NKAIN1: variants seen among roughly 807,000 people sequenced by gnomAD.
NKAIN1 encodes sodium/potassium-transporting ATPase subunit beta-1-interacting protein 1.
A neutral mutation model predicts 31.6 loss-of-function variants in NKAIN1; 13 were observed. The observed-to-expected ratio is 0.41, with a 90% CI of 0.27 to 0.65. The LOEUF (loss-of-function observed/expected upper bound fraction) is 0.65. NKAIN1 is among the 30% of genes least tolerant of loss of function. The pLI is 0.30. For missense variants in NKAIN1, 193 were observed against 262.2 expected, an observed-to-expected ratio of 0.74 and a Z score of 1.82; for synonymous variants, 104 against 109.0, an observed-to-expected ratio of 0.95 and a Z score of 0.28.
chr1:31,231,925 T>C (rs999068866), intron 1 of NKAIN1, among the ~76,000 whole-genome samples: 1 of 151,392 alleles, frequency 6.6e-6, no homozygotes, highest in Non-Finnish European at 1.5e-5. Context: ...TTTTTTTTTT[T>C]TAATTTTTTT....
chr1:31,181,727 G>T lies in NKAIN1; in HGVS notation c.615-15C>A. The T allele has an allele frequency of 6.7e-7, 1 of 1,498,556 alleles. No individual in the cohort carries two copies. The allele number at this position is 1,498,556 out of a possible 1,614,324, so 92.8% of individuals were successfully genotyped here. On this transcript the variant is annotated splice_polypyrimidine_tract_variant and intron_variant, in intron 6 of 6. Transcript: ENST00000373736. ...GCTACCCCGACCTGCGGGAAACAAA[G>T]GCAGGTTAGGGAGAGTGGATCCCAA...
At position 31,181,608 on chromosome 1, in the gene NKAIN1, C is replaced by G. The variant is rs1303184637; in HGVS notation, c.*95G>C. The stretch of plus-strand genomic sequence containing the variant: ...TTGGGCACAGGCTGCAGTGAGCGCG[C>G]GGGCCACCAGGGGGACACGCCTGCG... On this transcript the variant is annotated 3_prime_UTR_variant, in exon 7 of 7. Transcript: ENST00000373736. 8.0e-7 allele frequency: 1 copy of G among 1,243,756 alleles called. No individual in the cohort carries two copies. The highest frequency in any genetic ancestry group is 1.1e-6 in the Non-Finnish European group (1 of 941,248). 77.0% of individuals were successfully genotyped at this position (1,243,756 alleles called of 1,614,324 possible).
intron 1 of NKAIN1, among the ~76,000 whole-genome samples, chr1:31,215,722 G>T (rs1645506910): frequency 6.6e-6 from 1 of 152,178 alleles, no homozygotes; most frequent in African/African-American, 2.4e-5. Flanking sequence ...ATCACCTGGG[G>T]CCTGTTACCG....
At chr1:31,194,910 T>C (rs1040057497) in intron 1 of NKAIN1, among the ~76,000 whole-genome samples, 5 of 151,404 alleles carry the variant, frequency 3.3e-5, no homozygotes, top group African/African-American at 1.2e-4. Flanking sequence ...TAGTTGGGAT[T>C]ACAGGCGAGT....
chr1:31,197,545 C>CTTTTTTT (rs754860679), intron 1 of NKAIN1, among the ~76,000 whole-genome samples: 57,457 of 110,294 alleles, frequency 0.52, 17,905 homozygotes, highest in Non-Finnish European at 0.69. Flanking sequence ...CGTGCCCGGC[C>CTTTTTTT]TTTTTTTTTT....
intron 1 of NKAIN1, among the ~76,000 whole-genome samples, chr1:31,229,287 A>G (rs1271158050): frequency 6.6e-6 from 1 of 152,140 alleles, no homozygotes; most frequent in African/African-American, 2.4e-5. Context: ...AAGCTCACCT[A>G]TGGTGAGCTG....
At chr1:31,206,414 A>G (rs1225242850) in intron 1 of NKAIN1, among the ~76,000 whole-genome samples, 1 of 151,686 alleles carries the variant, frequency 6.6e-6, no homozygotes, top group East Asian at 1.9e-4. Context: ...TTTTTATTTT[A>G]TTTTTTAAAT....
chr1:31,212,499 G>C (rs1165315715), intron 1 of NKAIN1, among the ~76,000 whole-genome samples: 1 of 151,690 alleles, frequency 6.6e-6, no homozygotes, highest in Non-Finnish European at 1.5e-5. Flanking sequence ...CCACCTCCTA[G>C]GCTCAAGTGA....
intron 1 of NKAIN1, among the ~76,000 whole-genome samples, chr1:31,210,768 C>G (rs932338465): frequency 6.6e-6 from 1 of 152,096 alleles, no homozygotes; most frequent in African/African-American, 2.4e-5. Context: ...AGGGTCCAAC[C>G]CTGAAGTTAG....
At chr1:31,206,359 A>C (rs905477308) in intron 1 of NKAIN1, among the ~76,000 whole-genome samples, 5 of 151,788 alleles carry the variant, frequency 3.3e-5, no homozygotes, top group Non-Finnish European at 5.9e-5. Context: ...GAACTGAGTA[A>C]ATCACAACCA....
intron 1 of NKAIN1, among the ~76,000 whole-genome samples, chr1:31,227,478 A>AG (rs1440482093): frequency 7.2e-5 from 11 of 152,222 alleles, no homozygotes; most frequent in African/African-American, 9.7e-5. Context: ...CCCACCCCAC[A>AG]GGGTGCCATG....
intron 2 of NKAIN1, among the ~76,000 whole-genome samples, chr1:31,186,089 G>T (rs1645239820): frequency 2.0e-5 from 3 of 150,830 alleles, no homozygotes; most frequent in Admixed American, 1.3e-4. Context: ...GAGGCCAGGC[G>T]CAGTGGCTCA....
intron 1 of NKAIN1, among the ~76,000 whole-genome samples, chr1:31,208,133 G>A (rs145775291): frequency 1.3e-5 from 2 of 152,230 alleles, no homozygotes; most frequent in Admixed American, 6.5e-5. Flanking sequence ...GATGTGTTCT[G>A]TTCAAATCCC....
At chr1:31,182,370 G>T (rs1417889065) in intron 5 of NKAIN1, among the ~76,000 whole-genome samples, 160 bp downstream of exon 5, 6 of 152,174 alleles carry the variant, frequency 3.9e-5, no homozygotes, top group Non-Finnish European at 8.8e-5. Flanking sequence ...CCTGGAACGG[G>T]CTGGTATGCA....
intron 1 of NKAIN1, among the ~76,000 whole-genome samples, chr1:31,234,046 C>G (rs1218701175): frequency 6.6e-6 from 1 of 152,242 alleles, no homozygotes; most frequent in Admixed American, 6.5e-5. Context: ...CCAGGGCCAT[C>G]CCCAGGTCCC....
At chr1:31,229,579 C>T (rs1468246841) in intron 1 of NKAIN1, among the ~76,000 whole-genome samples, 1 of 151,882 alleles carries the variant, frequency 6.6e-6, no homozygotes, top group Non-Finnish European at 1.5e-5. Flanking sequence ...GAGTTTCGCT[C>T]TTGTTACCCA....
intron 2 of NKAIN1, 97 bp downstream of exon 2, chr1:31,187,953 T>G: frequency 3.2e-6 from 4 of 1,267,320 alleles, no homozygotes; most frequent in Non-Finnish European, 4.3e-6. Flanking sequence ...AGTGCCCCAG[T>G]GTTGGGGGGC....
intron 1 of NKAIN1, among the ~76,000 whole-genome samples, chr1:31,222,238 G>C (rs1367660644): frequency 6.6e-6 from 1 of 152,180 alleles, no homozygotes; most frequent in Non-Finnish European, 1.5e-5. Context: ...GTGAGGGGCT[G>C]GTAAAAACCC....
intron 1 of NKAIN1, among the ~76,000 whole-genome samples, chr1:31,235,951 C>T (rs1425634874): frequency 6.6e-6 from 1 of 152,140 alleles, no homozygotes; most frequent in East Asian, 1.9e-4. Flanking sequence ...ACAGACACAT[C>T]CCATGATATG....
Sources: allele counts gnomAD v4.1 joint callset (sites outside exome capture counted in the v4.1 genomes callset), GRCh38; gene constraint gnomAD v4.1.1; transcripts MANE v1.5; gene names NCBI Gene and HGNC (gene_info 2026-07-23, HGNC 2026-07-21).